Variants in CDC45 observed in about 807,000 individuals in gnomAD.
CDC45 encodes cell division cycle 45.
CDC45 carries 54 observed loss-of-function variants against 77.8 expected under a neutral mutation model. That is an observed-to-expected ratio of 0.69 (90% confidence interval 0.56 to 0.87). The LOEUF is 0.87. Ranked by LOEUF, CDC45 falls within the 40% of genes least tolerant of loss-of-function variation. CDC45 has a pLI of 0.00. For missense variants in CDC45, 649 were observed against 721.6 expected, an observed-to-expected ratio of 0.90 and a Z score of 1.15; for synonymous variants, 260 against 272.1, an observed-to-expected ratio of 0.96 and a Z score of 0.44.
At chr22:19,487,283 C>CCTCA (rs1200464427) in intron 5 of CDC45, among the ~76,000 whole-genome samples, 2 of 140,908 alleles carry the variant, frequency 1.4e-5, no homozygotes, top group East Asian at 2.1e-4. Context: ...CAGAGCAATA[C>CCTCA]TCTTGTCTCA....
intron 13 of CDC45, among the ~76,000 whole-genome samples, chr22:19,512,574 C>T (rs927495100): frequency 6.6e-6 from 1 of 150,946 alleles, no homozygotes; most frequent in African/African-American, 2.5e-5. Context: ...CTGCCATCAT[C>T]CCAGCATTGA....
chr22:19,515,128 C>T (rs1933712583), intron 15 of CDC45, 80 bp downstream of exon 15: 5 of 1,310,256 alleles, frequency 3.8e-6, no homozygotes, highest in Admixed American at 2.6e-5. Flanking sequence ...AGATGCTGGC[C>T]TTGGGGTGCC....
intron 5 of CDC45, among the ~76,000 whole-genome samples, chr22:19,489,126 T>G (rs2090117596): frequency 6.6e-6 from 1 of 152,074 alleles, no homozygotes; most frequent in South Asian, 2.1e-4. Flanking sequence ...CAGTGAGCTG[T>G]GAGCACACAA....
intron 8 of CDC45, among the ~76,000 whole-genome samples, chr22:19,498,751 C>T (rs112826300): frequency 6.6e-6 from 1 of 152,308 alleles, no homozygotes; most frequent in African/African-American, 2.4e-5. Flanking sequence ...AACTCCACTC[C>T]GAGTGTTGGG....
At chr22:19,499,586 G>A (rs1481155360) in intron 9 of CDC45, among the ~76,000 whole-genome samples, 1 of 152,158 alleles carries the variant, frequency 6.6e-6, no homozygotes, top group East Asian at 1.9e-4. Flanking sequence ...AAAGGTAAGG[G>A]GAAGGCTCCA....
At chr22:19,506,299 G>A (rs1471896971) in intron 10 of CDC45, among the ~76,000 whole-genome samples, 1 of 152,154 alleles carries the variant, frequency 6.6e-6, no homozygotes, top group East Asian at 1.9e-4. Context: ...CTCCTGGGGA[G>A]GGGAGCCGCT....
chr22:19,498,968 G>T, intron 8 of CDC45, 133 bp from the exon 9 acceptor site: 1 of 948,994 alleles, frequency 1.1e-6, no homozygotes, highest in Non-Finnish European at 1.7e-6. Flanking sequence ...AGGCAAGCCA[G>T]GGTCTGGCCC....
chr22:19,507,018 G>A (rs1933226466), intron 10 of CDC45, among the ~76,000 whole-genome samples: 1 of 152,300 alleles, frequency 6.6e-6, no homozygotes, highest in Non-Finnish European at 1.5e-5. Context: ...GGAATGGGTT[G>A]TAGGGAGGGC....
rs1933283388 is a variant in CDC45 at position 19,507,791 on chromosome 22, A to G, written c.982A>G (p.Lys328Glu). The change falls in exon 12 of 19, where the codon AAG (lysine) becomes GAG (glutamate). Residue 328 changes from lysine (K) to glutamate (E), a missense_variant. Transcript: ENST00000263201. ...TCTTCCCCTGAAGCAGGTGAAGCAGAAGTTCCAGGCCATGGACATCTCCTT... is the reference window on the plus strand; with the variant it reads ...TCTTCCCCTGAAGCAGGTGAAGCAGGAGTTCCAGGCCATGGACATCTCCTT... ...MGLPLKQVKQ[K>E]FQAMDISLKE... The G allele has an allele frequency of 6.2e-7, 1 of 1,600,020 alleles. No individual in the cohort carries two copies. The highest frequency in any genetic ancestry group is 8.5e-7 in the Non-Finnish European group (1 of 1,174,866).
In CDC45 at chr22:19,505,471, T is replaced by C; in HGVS notation, c.814T>C (p.Phe272Leu). 1 of 1,614,068 alleles carries C rather than the reference T, an allele frequency of 6.2e-7. No individual in the cohort carries two copies. Residue 272 changes from phenylalanine to leucine, a missense_variant, in exon 10 of 19, where the codon TTT (phenylalanine) becomes CTT (leucine). Transcript: ENST00000263201. ...CTCCGTGGACTGCACACGGATCTCC[T>C]TTGAGTATGAGTATCCTTGTGGCCC... ...TLSVDCTRISFEYDLRLVLYQ... is the reference protein window; with the variant it reads ...TLSVDCTRISLEYDLRLVLYQ...
At chr22:19,516,749 C>T in intron 16 of CDC45, 68 bp from the exon 17 acceptor site, 1 of 1,417,086 alleles carries the variant, frequency 7.1e-7, no homozygotes. Context: ...AGTGTCTGTC[C>T]TGGGGCGGGG....
At chr22:19,492,261 A>G (rs1453960374) in intron 5 of CDC45, among the ~76,000 whole-genome samples, 1 of 149,390 alleles carries the variant, frequency 6.7e-6, no homozygotes, top group African/African-American at 2.5e-5. Flanking sequence ...TTTTTGGTCT[A>G]TTTTTTCTCG....
intron 5 of CDC45, among the ~76,000 whole-genome samples, chr22:19,488,349 C>T (rs2090104843): frequency 6.6e-6 from 1 of 152,216 alleles, no homozygotes; most frequent in Admixed American, 6.5e-5. Context: ...TATCTGGGCC[C>T]TCAGGTGGGG....
At chr22:19,498,470 C>T (rs1300324348) in intron 8 of CDC45, among the ~76,000 whole-genome samples, 1 of 152,268 alleles carries the variant, frequency 6.6e-6, no homozygotes, top group African/African-American at 2.4e-5. Flanking sequence ...GGCCCAGTCA[C>T]TCTTGCTGTG....
At position 19,480,025 on chromosome 22, in the gene CDC45, G is replaced by T; in HGVS notation, c.51+6G>T. 6.2e-7 allele frequency: 1 copy of T among 1,613,980 alleles called. No homozygotes were observed. The highest frequency in any genetic ancestry group is 8.5e-7 in the Non-Finnish European group (1 of 1,179,986). ...ACGAGGTGGTCCAGAGCCAGGTGAC[G>T]CCCAGTCCGGGACCCCCGCCGAGGC... On this transcript the variant is annotated splice_donor_region_variant and intron_variant, in intron 1 of 18. Transcript: ENST00000263201.
At chr22:19,495,685 A>G (rs2090229239) in intron 6 of CDC45, among the ~76,000 whole-genome samples, 1 of 152,136 alleles carries the variant, frequency 6.6e-6, no homozygotes, top group Non-Finnish European at 1.5e-5. Context: ...AGCTGGGTGT[A>G]GTGGCACATG....
chr22:19,492,398 T>C (rs2090166721), intron 5 of CDC45, among the ~76,000 whole-genome samples: 1 of 152,096 alleles, frequency 6.6e-6, no homozygotes, highest in South Asian at 2.1e-4. Flanking sequence ...TTCTAAACTT[T>C]CTTCTATATA....
At chr22:19,515,273 C>T (rs1417924021) in intron 15 of CDC45, among the ~76,000 whole-genome samples, 1 of 152,212 alleles carries the variant, frequency 6.6e-6, no homozygotes, top group Non-Finnish European at 1.5e-5. Context: ...GTCACTCAGA[C>T]AAGTAGGGAG....
intron 13 of CDC45, among the ~76,000 whole-genome samples, chr22:19,510,718 G>A (rs1290989283): frequency 1.3e-5 from 2 of 151,982 alleles, no homozygotes; most frequent in African/African-American, 4.8e-5. Flanking sequence ...TAATAGAGAC[G>A]GGGTTTCACC....
Sources: gnomAD v4.1 joint callset for allele counts (sites outside exome capture counted in the v4.1 genomes callset) on GRCh38, gnomAD v4.1.1 for gene constraint, MANE v1.5 for transcripts, NCBI Gene and HGNC (gene_info 2026-07-23, HGNC 2026-07-21) for gene names.